Variants in ATIC observed in about 807,000 individuals in gnomAD.
ATIC encodes bifunctional purine biosynthesis protein ATIC.
In ATIC, 64 loss-of-function variants were observed where a neutral mutation model predicts 72.5. The ratio of observed to expected loss-of-function variants is 0.88; its 90% CI spans 0.72 to 1.09. ATIC has a LOEUF of 1.09. Ranked by LOEUF, ATIC falls within the 50% of genes least tolerant of loss-of-function variation. The pLI, the probability that ATIC is intolerant of heterozygous loss-of-function variation, is 0.00. For synonymous variants in ATIC, 281 were observed against 267.1 expected, an observed-to-expected ratio of 1.05 and a Z score of -0.51; for missense variants, 787 against 732.4, an observed-to-expected ratio of 1.07 and a Z score of -0.86.
intron 4 of ATIC, 24 bp downstream of exon 4, chr2:215,319,755 T>C: frequency 6.4e-7 from 1 of 1,574,186 alleles, no homozygotes; most frequent in Non-Finnish European, 8.7e-7. Context: ...ATTAAACTTT[T>C]AACACATTAC....
At chr2:215,361,039 A>G in the ATIC span, 13 of 156,836 alleles carry the variant, frequency 8.3e-5, no homozygotes, top group Admixed American at 6.8e-4. Flanking sequence ...AAATTGATAA[A>G]TAACAGGTAA....
chr2:215,362,463 A>G, the ATIC span: 13,145 of 272,542 alleles, frequency 0.048, 1,249 homozygotes, highest in African/African-American at 0.23. Context: ...ACATGAAGAA[A>G]CGTTCTCATT....
intron 10 of ATIC, 43 bp from the exon 11 acceptor site, chr2:215,335,992 T>C (rs1285415109): frequency 6.8e-7 from 1 of 1,475,098 alleles, no homozygotes; most frequent in South Asian, 1.2e-5. Flanking sequence ...AGAGGTGTTC[T>C]CTGATTTTTA....
At chr2:215,314,802 G>T (rs1414637150) in intron 2 of ATIC, among the ~76,000 whole-genome samples, 3 of 152,258 alleles carry the variant, frequency 2.0e-5, no homozygotes, top group Admixed American at 2.0e-4. Flanking sequence ...CCAAGATTTT[G>T]TAGGGGTGGA....
At chr2:215,351,928 T>G (rs2053133505), downstream of ATIC, among the ~76,000 whole-genome samples, 1 of 152,242 alleles carries the variant, frequency 6.6e-6, no homozygotes, top group Non-Finnish European at 1.5e-5. Flanking sequence ...CTTTTTGGTC[T>G]TCTTTCCAAA....
chr2:215,343,974 T>G (rs1362449810), intron 12 of ATIC, among the ~76,000 whole-genome samples: 1 of 152,238 alleles, frequency 6.6e-6, no homozygotes, highest in Non-Finnish European at 1.5e-5. Context: ...TTGAACAGTT[T>G]CAACTTAAGT....
the ATIC span, chr2:215,367,899 C>T: frequency 3.0e-5 from 49 of 1,614,022 alleles, no homozygotes; most frequent in Non-Finnish European, 3.7e-5. Context: ...CTTCCAAAGC[C>T]TAAGCACTGG....
At chr2:215,358,961 C>CA in the ATIC span, among the ~76,000 whole-genome samples, 1 of 152,200 alleles carries the variant, frequency 6.6e-6, no homozygotes, top group African/African-American at 2.4e-5. Flanking sequence ...TGACTCGCTG[C>CA]AACCTCCGCC....
downstream of ATIC, chr2:215,349,816 C>CTGACACA: frequency 2.3e-6 from 3 of 1,292,328 alleles, no homozygotes; most frequent in South Asian, 2.6e-5. Context: ...GCTCTTTGAA[C>CTGACACA]TGACACATGA....
intron 4 of ATIC, among the ~76,000 whole-genome samples, chr2:215,321,811 G>C (rs971927738): frequency 1.3e-5 from 2 of 152,168 alleles, no homozygotes; most frequent in Non-Finnish European, 2.9e-5. Context: ...ATTTTTAGTT[G>C]AGGTATTTAT....
chr2:215,322,490 C>T (rs1191990366), intron 4 of ATIC, among the ~76,000 whole-genome samples: 3 of 151,550 alleles, frequency 2.0e-5, no homozygotes, highest in Admixed American at 1.3e-4. Context: ...CCACCACGCC[C>T]AGCTAATTTT....
At chr2:215,367,870 A>C in the ATIC span, 5 of 1,614,040 alleles carry the variant, frequency 3.1e-6, no homozygotes, top group Non-Finnish European at 3.4e-6. Flanking sequence ...CACTAGATGA[A>C]TCACATCTGA....
At chr2:215,348,840 C>A (rs2053099139) in intron 14 of ATIC, 4 of 300,540 alleles carry the variant, frequency 1.3e-5, no homozygotes, top group Non-Finnish European at 2.5e-5. Flanking sequence ...CACTTGTGGT[C>A]CCAGGTACTT....
At chr2:215,338,005 A>G (rs1470804940) in intron 11 of ATIC, among the ~76,000 whole-genome samples, 1 of 152,242 alleles carries the variant, frequency 6.6e-6, no homozygotes, top group Non-Finnish European at 1.5e-5. Flanking sequence ...CATAATACAA[A>G]GGAACATTTT....
chr2:215,320,724 C>T (rs946816106), intron 4 of ATIC, among the ~76,000 whole-genome samples: 1 of 152,130 alleles, frequency 6.6e-6, no homozygotes, highest in Non-Finnish European at 1.5e-5. Context: ...AGATTACAGG[C>T]GTTTGTCACC....
the ATIC span, chr2:215,361,329 G>T: frequency 3.4e-5 from 19 of 562,074 alleles, no homozygotes; most frequent in South Asian, 3.0e-4. Flanking sequence ...TGAATACTTC[G>T]AAGCAGAACA....
At position 215,344,869 on chromosome 2, in the gene ATIC, C is replaced by T; in HGVS notation, c.1318C>T (p.Gln440Ter). ...SNSVCYAKNGQVIGIGAGQQS... is the reference protein window; with the variant it reads ...SNSVCYAKNG ...CTCTGTGTGCTACGCCAAGAACGGG[C>T]AGGTAAGTGGGCTGTTGGACTCGCC... Residue 440 changes from glutamine (Q) to a stop codon, truncating the protein, a stop_gained and splice_region_variant, in exon 13 of 16, where the codon CAG becomes TAG. Transcript: ENST00000236959. LOFTEE classifies it high-confidence loss of function. The T allele has an allele frequency of 6.2e-7, 1 of 1,613,712 alleles. No individual in the cohort carries two copies. Among genetic ancestry groups the T allele is most frequent in the Non-Finnish European group, 8.5e-7 (1 of 1,179,874 alleles).
At chr2:215,326,763 A>G (rs1335230492) in intron 6 of ATIC, 59 bp from the exon 7 acceptor site, 39 of 1,606,534 alleles carry the variant, frequency 2.4e-5, no homozygotes, top group Non-Finnish European at 2.9e-5. Context: ...GTAGAAAACC[A>G]TCTTGTCCCC....
intron 6 of ATIC, among the ~76,000 whole-genome samples, chr2:215,326,383 T>A (rs1409400946): frequency 6.6e-6 from 1 of 152,070 alleles, no homozygotes; most frequent in South Asian, 2.1e-4. Context: ...GGCGGGCGGA[T>A]CACCTGAGGT....
Sources: allele counts gnomAD v4.1 joint callset (sites outside exome capture counted in the v4.1 genomes callset), GRCh38; gene constraint gnomAD v4.1.1; transcripts MANE v1.5; gene names NCBI Gene and HGNC (gene_info 2026-07-23, HGNC 2026-07-21).